ZNF75D: variants seen among roughly 807,000 people sequenced by gnomAD.
ZNF75D encodes zinc finger protein 75.
Under a neutral mutation model 33.3 loss-of-function variants are expected in ZNF75D, and 33 were observed. The observed-to-expected ratio is 0.99, with a 90% CI of 0.75 to 1.32. ZNF75D has a LOEUF of 1.32. ZNF75D is among the 40% of genes most tolerant of loss of function. The pLI, the probability that ZNF75D is intolerant of heterozygous loss-of-function variation, is 0.00. For synonymous variants in ZNF75D, 113 were observed against 130.6 expected, an observed-to-expected ratio of 0.87 and a Z score of 0.92; for missense variants, 338 against 367.5, an observed-to-expected ratio of 0.92 and a Z score of 0.66.
chrX:135,292,574 T>A (rs782674394), intron 3 of ZNF75D, 101 bp from the exon 4 acceptor site: 3 of 665,120 alleles, frequency 4.5e-6, no homozygotes, highest in Non-Finnish European at 6.8e-6. Context: ...GGGGAATGCA[T>A]GACATTAGAG....
At chrX:135,291,702 T>C in intron 4 of ZNF75D, 139 bp from the exon 5 acceptor site, 1 of 872,541 alleles carries the variant, frequency 1.1e-6, no homozygotes, top group African/African-American at 2.0e-5. Context: ...TGCCAAGAAG[T>C]GGCCATCTCA....
chrX:135,248,878 C>A (rs1224604568), downstream of ZNF75D: 2 of 278,031 alleles, frequency 7.2e-6, no homozygotes, highest in African/African-American at 6.3e-5. Context: ...GGTCAGAAGT[C>A]AAGAAACCAG....
chrX:135,291,208 C>G, intron 5 of ZNF75D, 73 bp from the exon 6 acceptor site: 1 of 1,124,505 alleles, frequency 8.9e-7, no homozygotes, highest in Non-Finnish European at 1.2e-6. Context: ...TTCTGAATTA[C>G]ATGGTAGGCC....
At chrX:135,260,598 TTC>T (rs1260042241) in intron 1 of ZNF75D, among the ~76,000 whole-genome samples, 27 of 112,494 alleles carry the variant, frequency 2.4e-4, no homozygotes, top group African/African-American at 8.4e-4. Context: ...GTTTATAATA[TTC>T]TCTGATAGTA....
intron 1 of ZNF75D, among the ~76,000 whole-genome samples, chrX:135,271,347 G>A (rs2083882423): frequency 8.9e-6 from 1 of 112,057 alleles, no homozygotes; most frequent in Non-Finnish European, 1.9e-5. Flanking sequence ...AATCTATGTC[G>A]TGAATATATG....
In ZNF75D at chrX:135,292,357, A is replaced by C; in HGVS notation, c.528T>G (p.Tyr176Ter). Residue 176 changes from tyrosine to a stop codon, truncating the protein, a stop_gained, in exon 4 of 7, where the codon TAT becomes TAG. Transcript: ENST00000370766. LOFTEE classifies it high-confidence loss of function. Reference protein sequence around the residue: ...PQPMGVFQKEYWNTYRVLQEQ... With the variant: ...PQPMGVFQKE ...CTTGTAGTACCCGGTATGTATTCCAATATTCTTTCTGGAACACACCCATTG... is the reference window on the plus strand; with the variant it reads ...CTTGTAGTACCCGGTATGTATTCCACTATTCTTTCTGGAACACACCCATTG... 1 of 1,211,129 alleles carries C rather than the reference A, an allele frequency of 8.3e-7. No individual in the cohort carries two copies. The highest frequency in any genetic ancestry group is 1.1e-6 in the Non-Finnish European group (1 of 894,980).
At chrX:135,306,284 T>TACATAC (rs1556425716) in intron 1 of ZNF75D, among the ~76,000 whole-genome samples, 2 of 53,813 alleles carry the variant, frequency 3.7e-5, no homozygotes, top group Admixed American at 4.8e-4. Context: ...ACAACAGAGA[T>TACATAC]ACATACACAC....
At chrX:135,309,377 G>T (rs1301569719) in intron 1 of ZNF75D, 4 of 289,455 alleles carry the variant, frequency 1.4e-5, no homozygotes, top group African/African-American at 1.1e-4. Flanking sequence ...GTGTGGCAGT[G>T]GGGAAGAGGT....
At chrX:135,275,971 T>G (rs1556417534) in intron 1 of ZNF75D, among the ~76,000 whole-genome samples, 1 of 111,634 alleles carries the variant, frequency 9.0e-6, no homozygotes, top group Non-Finnish European at 1.9e-5. Context: ...ATATTCTTAA[T>G]CCATGGCAAT....
chrX:135,309,623 C>T, intron 1 of ZNF75D: 2 of 297,312 alleles, frequency 6.7e-6, no homozygotes, highest in Non-Finnish European at 5.9e-6. Flanking sequence ...ACAGAAGTGA[C>T]ACTGACCTGT....
At chrX:135,297,290 A>T (rs1335607132) in intron 1 of ZNF75D, 1 of 112,275 alleles carries the variant, frequency 8.9e-6, no homozygotes, top group Non-Finnish European at 1.9e-5. Context: ...ATCATTCAAA[A>T]TCGAAGCTCC....
In ZNF75D at chrX:135,341,990, A is replaced by G. The variant is rs1210264977; in HGVS notation, c.-613T>C. On this transcript the variant is annotated 5_prime_UTR_variant, in exon 1 of 7. Transcript: ENST00000370766. ...AGACCACCAGAAGCAATTTACTTTC[A>G]GCTGGTAAGACCAGGAATACACCTT... 1 of 112,452 alleles carries G rather than the reference A, an allele frequency of 8.9e-6. No homozygotes were observed. The highest frequency in any genetic ancestry group is 3.2e-5 in the African/African-American group (1 of 30,911). 9.3% of individuals were successfully genotyped at this position (112,452 alleles called of 1,213,427 possible).
chrX:135,258,110 G>C (rs187708249), intron 1 of ZNF75D, among the ~76,000 whole-genome samples: 4 of 104,834 alleles, frequency 3.8e-5, no homozygotes, highest in Admixed American at 1.0e-4. Context: ...ATGGTTTCCA[G>C]CTTCATCCAT....
At chrX:135,298,059 T>G (rs1440003755) in intron 1 of ZNF75D, 1 of 111,503 alleles carries the variant, frequency 9.0e-6, no homozygotes, top group Non-Finnish European at 1.9e-5. Context: ...CATCTAAACC[T>G]GATTACCTGC....
chrX:135,301,241 A>T (rs1394286093), intron 1 of ZNF75D, among the ~76,000 whole-genome samples: 3 of 111,604 alleles, frequency 2.7e-5, no homozygotes, highest in African/African-American at 9.8e-5. Context: ...CGCTTCCCTC[A>T]CTCAACATAT....
intron 1 of ZNF75D, among the ~76,000 whole-genome samples, chrX:135,271,967 G>A (rs1440172619): frequency 9.0e-6 from 1 of 111,128 alleles, no homozygotes; most frequent in African/African-American, 3.3e-5. Context: ...GTCTGGCAGA[G>A]AACTGAATCT....
chrX:135,337,571 G>T (rs782485874), intron 1 of ZNF75D, among the ~76,000 whole-genome samples: 15 of 111,796 alleles, frequency 1.3e-4, no homozygotes, highest in African/African-American at 4.6e-4. Flanking sequence ...CTGGAATCAC[G>T]TGAAAACTTT....
At chrX:135,315,735 T>C (rs781989157) in intron 1 of ZNF75D, among the ~76,000 whole-genome samples, 4 of 110,518 alleles carry the variant, frequency 3.6e-5, no homozygotes, top group South Asian at 7.5e-4. Context: ...TCATCTGACA[T>C]AAGCATAGCT....
rs78544936 is a variant in ZNF75D, at chrX:135,291,484, C to T, written c.684G>A (p.Leu228=). 3.3e-3 allele frequency: 4,007 copies of T among 1,210,384 alleles called. 79 individuals are homozygous for T. The African/African-American group carries it at 0.06, about 18-fold the overall frequency. ...KHWKMASKLI[L]PESLSLLTFE... ...AATAACAGCTCACCAGGGACTCAGG[C>T]AGGATGAGTTTAGATGCCATCTTCC... The change falls in exon 5 of 7, where the codon CTG becomes CTA. Residue 228 remains leucine (L), a synonymous_variant. Coordinates refer to ENST00000370766, the MANE Select transcript of ZNF75D (RefSeq NM_007131.5).
Sources: gnomAD v4.1 joint callset for allele counts (sites outside exome capture counted in the v4.1 genomes callset) on GRCh38, gnomAD v4.1.1 for gene constraint, MANE v1.5 for transcripts, NCBI Gene and HGNC (gene_info 2026-07-23, HGNC 2026-07-21) for gene names.